G3BP2: variants seen among roughly 807,000 people sequenced by gnomAD.
G3BP2 encodes the protein ras GTPase-activating protein-binding protein 2.
A neutral mutation model predicts 56.7 loss-of-function variants in G3BP2; 11 were observed. The ratio of observed to expected loss-of-function variants is 0.19; its 90% CI spans 0.12 to 0.32. G3BP2 has a LOEUF of 0.32. Ranked by LOEUF, G3BP2 falls within the 10% of genes least tolerant of loss-of-function variation. The pLI, the probability that G3BP2 is intolerant of heterozygous loss-of-function variation, is 1.00. For synonymous variants in G3BP2, 165 were observed against 191.6 expected, an observed-to-expected ratio of 0.86 and a Z score of 1.15; for missense variants, 340 against 610.9, an observed-to-expected ratio of 0.56 and a Z score of 4.67.
chr4:75,711,403 G>A (rs1719752815), intron 3 of G3BP2, among the ~76,000 whole-genome samples: 1 of 151,136 alleles, frequency 6.6e-6, no homozygotes, highest in Admixed American at 6.6e-5. Context: ...TATAGTGTGA[G>A]GAAAATAAAA....
intron 3 of G3BP2, among the ~76,000 whole-genome samples, chr4:75,713,345 G>A (rs1049426485): frequency 6.6e-6 from 1 of 152,160 alleles, no homozygotes; most frequent in Non-Finnish European, 1.5e-5. Flanking sequence ...TGCTAAAATT[G>A]GAGAGTGAAA....
At chr4:75,655,742 T>A in intron 6 of G3BP2, 26 bp downstream of exon 6, 1 of 1,263,870 alleles carries the variant, frequency 7.9e-7, no homozygotes, top group Non-Finnish European at 1.2e-6. Flanking sequence ...TCAGACCAAA[T>A]TTAACCTTGC....
At chr4:75,658,187 G>A (rs1240715087) in intron 3 of G3BP2, among the ~76,000 whole-genome samples, 1 of 152,114 alleles carries the variant, frequency 6.6e-6, no homozygotes, top group Non-Finnish European at 1.5e-5. Context: ...ATAGGGTTTA[G>A]CTCAGATTTG....
intron 3 of G3BP2, among the ~76,000 whole-genome samples, chr4:75,658,557 G>A (rs747356604): frequency 2.6e-5 from 4 of 151,672 alleles, no homozygotes; most frequent in African/African-American, 7.3e-5. Flanking sequence ...GAGAAACCCC[G>A]TCTCTACTAA....
rs1415023130 is a variant in G3BP2 at position 75,644,603 on chromosome 4, TAAAG to T, written c.*823_*826del. ...AAGACAATTTTCACTGTACACAGCT[TAAAG>T]AAAGGAAAAAAGGGGAGGAGGAGTG... On this transcript the variant is annotated 3_prime_UTR_variant, in exon 12 of 12. Transcript: ENST00000359707. 1.3e-5 allele frequency: 2 copies of T among 152,426 alleles called. No homozygotes were observed. Among genetic ancestry groups the T allele is most frequent in the Non-Finnish European group, 2.9e-5 (2 of 68,004 alleles). 9.4% of individuals were successfully genotyped at this position (152,426 alleles called of 1,614,324 possible). A position where few individuals can be genotyped will look rare whatever the true frequency, so the allele number is the denominator to read the frequency against.
intron 3 of G3BP2, among the ~76,000 whole-genome samples, chr4:75,679,557 C>G (rs776673701): frequency 1.3e-5 from 2 of 152,122 alleles, no homozygotes; most frequent in Non-Finnish European, 2.9e-5. Context: ...ATATGAATGA[C>G]TGCTATAGGT....
chr4:75,681,818 C>A (rs1453463879), intron 3 of G3BP2, among the ~76,000 whole-genome samples: 1 of 143,032 alleles, frequency 7.0e-6, no homozygotes, highest in Non-Finnish European at 1.5e-5. Flanking sequence ...CACTGCACCC[C>A]AGTCTGGGCA....
chr4:75,658,772 CAAG>C (rs1180857236), intron 3 of G3BP2, 68 bp downstream of exon 3: 2 of 931,500 alleles, frequency 2.1e-6, no homozygotes, highest in African/African-American at 3.3e-5. Flanking sequence ...GCCATGGACA[CAAG>C]AAGGCTATTT....
rs1733657115 is a variant in G3BP2 at position 75,673,271 on chromosome 4, G to A, written c.-88C>T. On this transcript the variant is annotated 5_prime_UTR_variant, in exon 1 of 12. Transcript: ENST00000359707. ...TCAGAAGAGTCGCTGAGGACCGGGT[G>A]CGGCGGGTTCTTATTGCTCGCCGCC... 2.4e-6 allele frequency: 3 copies of A among 1,225,020 alleles called. No homozygotes were observed. The highest frequency in any genetic ancestry group is 3.2e-5 in the East Asian group (1 of 31,306). The allele number at this position is 1,225,020 out of a possible 1,614,324, so 75.9% of individuals were successfully genotyped here.
At chr4:75,671,947 A>T (rs1733517726) in intron 1 of G3BP2, among the ~76,000 whole-genome samples, 1 of 152,182 alleles carries the variant, frequency 6.6e-6, no homozygotes. Flanking sequence ...CTAGAGAAAA[A>T]TTGCCATCAT....
In G3BP2 at chr4:75,647,165, T is replaced by C. The variant is rs552442614; in HGVS notation, c.929-8A>G. 61 of 1,566,322 alleles carry C rather than the reference T, an allele frequency of 3.9e-5. No individual in the cohort carries two copies. Among genetic ancestry groups the C allele is most frequent in the African/African-American group, 5.5e-5 (4 of 73,100 alleles). ...GTTCCATATCTCCTCTGCCTGAGAA[T>C]AGAAATAGAGCAGATACTAAAGTTT... On this transcript the variant is annotated splice_region_variant and splice_polypyrimidine_tract_variant and intron_variant, in intron 9 of 11. Transcript: ENST00000359707.
intron 3 of G3BP2, among the ~76,000 whole-genome samples, chr4:75,709,440 A>AAAC (rs1577898640): frequency 6.7e-6 from 1 of 150,092 alleles, no homozygotes; most frequent in East Asian, 2.0e-4. Context: ...AAAAAAAAAA[A>AAAC]AACCTACTAC....
chr4:75,676,014 A>G (rs1733862926), upstream of G3BP2, among the ~76,000 whole-genome samples: 1 of 152,238 alleles, frequency 6.6e-6, no homozygotes, highest in Admixed American at 6.5e-5. Flanking sequence ...GTAGACACCA[A>G]TAAGTGGAGT....
At position 75,661,883 on chromosome 4, in the gene G3BP2, C is replaced by G. The variant is rs772439338; in HGVS notation, c.95+48G>C. The G allele has an allele frequency of 6.3e-6, 6 of 947,846 alleles. No homozygotes were observed. The South Asian group carries it at 8.0e-5, about 13-fold the overall frequency. 58.7% of individuals were successfully genotyped at this position (947,846 alleles called of 1,614,324 possible). ...AATGCAAAATATATATAGTCATACCCAAGAAAAAAAGTAGATAAAAATACC... is the reference window on the plus strand; with the variant it reads ...AATGCAAAATATATATAGTCATACCGAAGAAAAAAAGTAGATAAAAATACC... On this transcript the variant is annotated intron_variant, in intron 2 of 11. Transcript: ENST00000359707.
intron 3 of G3BP2, among the ~76,000 whole-genome samples, chr4:75,695,703 G>A (rs1317914128): frequency 1.3e-5 from 2 of 152,152 alleles, no homozygotes; most frequent in Non-Finnish European, 2.9e-5. Flanking sequence ...GGCCAGGCAT[G>A]GTGGCTCACG....
intron 3 of G3BP2, among the ~76,000 whole-genome samples, chr4:75,691,114 C>T (rs1718838427): frequency 6.6e-6 from 1 of 150,952 alleles, no homozygotes; most frequent in Non-Finnish European, 1.5e-5. Flanking sequence ...GACTCTTGAT[C>T]TGTCACCCAA....
intron 3 of G3BP2, among the ~76,000 whole-genome samples, chr4:75,715,302 G>A (rs80337768): frequency 6.6e-6 from 1 of 151,200 alleles, no homozygotes; most frequent in African/African-American, 2.4e-5. Flanking sequence ...AGTACTGAAG[G>A]AAAAAAAAAC....
intron 3 of G3BP2, among the ~76,000 whole-genome samples, chr4:75,719,105 T>C (rs1401995011): frequency 6.6e-6 from 1 of 151,950 alleles, no homozygotes; most frequent in Non-Finnish European, 1.5e-5. Flanking sequence ...TCCCAGCACT[T>C]TGGGAGGCCG....
chr4:75,692,562 G>C (rs10020040), intron 3 of G3BP2, among the ~76,000 whole-genome samples: 1 of 151,754 alleles, frequency 6.6e-6, no homozygotes, highest in South Asian at 2.1e-4. Context: ...CACCCACCTC[G>C]GCCTCCCAAA....
Sources: gnomAD v4.1 joint callset for allele counts (sites outside exome capture counted in the v4.1 genomes callset) on GRCh38, gnomAD v4.1.1 for gene constraint, MANE v1.5 for transcripts, NCBI Gene and HGNC (gene_info 2026-07-23, HGNC 2026-07-21) for gene names.